The following CFAP47 variants were observed in gnomAD, a reference collection of about 807,000 sequenced individuals.
CFAP47 encodes cilia- and flagella-associated protein 47.
CFAP47 carries 29 observed loss-of-function variants against 148.1 expected under a neutral mutation model. That is an observed-to-expected ratio of 0.20 (90% CI 0.15 to 0.27). The LOEUF (loss-of-function observed/expected upper bound fraction) is 0.27, where lower values mean the gene tolerates loss of function less well. Ranked by LOEUF, CFAP47 falls within the 10% of genes least tolerant of loss-of-function variation. The pLI is 1.00. For missense variants in CFAP47, 1,872 were observed against 1,697.5 expected (o/e 1.10, Z -1.81); for synonymous variants, 664 against 577.3 (o/e 1.15, Z -2.15).
chrX:36,022,608 T>C (rs1937172587), intron 22 of CFAP47, among the ~76,000 whole-genome samples: 1 of 111,556 alleles, frequency 9.0e-6, no homozygotes, highest in South Asian at 3.8e-4. Flanking sequence ...AACTCTTAGA[T>C]TTGTCCTTCT....
chrX:36,114,229 A>G (rs748108761), intron 33 of CFAP47, among the ~76,000 whole-genome samples: 52 of 111,556 alleles, frequency 4.7e-4, no homozygotes, highest in Middle Eastern at 4.7e-3. Context: ...TATACTGCCT[A>G]TTTTGTCAGT....
At chrX:36,265,492 G>T (rs782588363) in intron 49 of CFAP47, among the ~76,000 whole-genome samples, 1 of 111,699 alleles carries the variant, frequency 9.0e-6, no homozygotes, top group African/African-American at 3.3e-5. Context: ...CAATTCTCAA[G>T]GTGGATATTT....
At chrX:36,255,956 A>G (rs1165935766) in intron 49 of CFAP47, among the ~76,000 whole-genome samples, 1 of 112,196 alleles carries the variant, frequency 8.9e-6, no homozygotes, top group Non-Finnish European at 1.9e-5. Context: ...AGAAACAAAC[A>G]AATCCAAGCA....
intron 2 of CFAP47, among the ~76,000 whole-genome samples, chrX:35,939,540 C>T (rs1191291868): frequency 1.1e-5 from 1 of 93,327 alleles, no homozygotes; most frequent in East Asian, 3.6e-4. Context: ...TGAGAATATG[C>T]GGTGTTTGGT....
At chrX:36,266,554 G>A (rs1221407476) in intron 49 of CFAP47, among the ~76,000 whole-genome samples, 1 of 110,297 alleles carries the variant, frequency 9.1e-6, no homozygotes, top group Non-Finnish European at 1.9e-5. Flanking sequence ...TAGGGACAGT[G>A]GTGAGGTTGC....
rs1217561603 is a variant in CFAP47, at chrX:35,971,580, T to G, written c.1971-6T>G. 1 of 1,055,090 alleles carries G rather than the reference T, an allele frequency of 9.5e-7. No homozygotes were observed. Among genetic ancestry groups the G allele is most frequent in the Non-Finnish European group, 1.3e-6 (1 of 798,559 alleles). The allele number at this position is 1,055,090 out of a possible 1,213,427, so 87.0% of individuals were successfully genotyped here. A position where few individuals can be genotyped will look rare whatever the true frequency, so the allele number is the denominator to read the frequency against. ...TTACTGATTATTATTATTATTAATT[T>G]TATAGGGAGCGCATGTATTCATATG... On this transcript the variant is annotated splice_region_variant and splice_polypyrimidine_tract_variant and intron_variant, in intron 11 of 63. Coordinates refer to ENST00000378653, the MANE Select transcript of CFAP47 (RefSeq NM_001304548.2).
rs367781928 is a variant in CFAP47, at chrX:36,065,670, A to G, written c.4245A>G (p.Ala1415=). 32 of 1,194,356 alleles carry G rather than the reference A, an allele frequency of 2.7e-5. No individual in the cohort carries two copies. The highest frequency in any genetic ancestry group is 3.6e-5 in the Non-Finnish European group (32 of 883,708). The change falls in exon 27 of 64, where the codon GCA becomes GCG. Residue 1415 remains alanine (A), a synonymous_variant. Coordinates refer to ENST00000378653, the MANE Select transcript of CFAP47 (RefSeq NM_001304548.2). ...TTTCACTTCCAGTTACTGCAACAGCAGAAAACTGCATTCTTACTATTTACC... is the reference window on the plus strand; with the variant it reads ...TTTCACTTCCAGTTACTGCAACAGCGGAAAACTGCATTCTTACTATTTACC... ...NWFSLPVTAT[A]ENCILTIYPY...
intron 56 of CFAP47, among the ~76,000 whole-genome samples, chrX:36,312,857 G>A (rs1439487027): frequency 9.0e-6 from 1 of 111,220 alleles, no homozygotes; most frequent in Non-Finnish European, 1.9e-5. Context: ...AACCTGAGGA[G>A]ATATGAGACA....
At chrX:36,360,232 G>C (rs1431104159) in intron 60 of CFAP47, among the ~76,000 whole-genome samples, 1 of 111,625 alleles carries the variant, frequency 9.0e-6, no homozygotes, top group Non-Finnish European at 1.9e-5. Context: ...AACTGTTTTT[G>C]ACTGCTCCAT....
Position 36,161,901 on chromosome X carries a change from A to C in CFAP47, c.6026+1132A>C, listed in dbSNP as rs146997738. Among the ~76,000 whole-genome samples the C allele has an allele frequency of 8.0e-3, 896 of 112,309 alleles. 7 individuals are homozygous for C. Among genetic ancestry groups the C allele is most frequent in the Middle Eastern group, 0.028 (6 of 214 alleles). On this transcript the variant is annotated intron_variant, in intron 39 of 63. Coordinates refer to ENST00000378653, the MANE Select transcript of CFAP47 (RefSeq NM_001304548.2). ...GTGCATGTAAGAGAGAATATGATTTAGTGCAATTTTATTAAAGTGATACAT... is the reference window on the plus strand; with the variant it reads ...GTGCATGTAAGAGAGAATATGATTTCGTGCAATTTTATTAAAGTGATACAT...
At chrX:36,296,212 T>A (rs1368098875) in intron 51 of CFAP47, among the ~76,000 whole-genome samples, 1 of 112,126 alleles carries the variant, frequency 8.9e-6, no homozygotes, top group African/African-American at 3.2e-5. Context: ...ACTCTTAAGA[T>A]CTGGCCAACT....
At chrX:36,337,937 C>G (rs1941620543) in intron 57 of CFAP47, among the ~76,000 whole-genome samples, 1 of 95,192 alleles carries the variant, frequency 1.1e-5, no homozygotes, top group South Asian at 5.9e-4. Flanking sequence ...GGCGCGATCT[C>G]GGCTCACTGC....
rs773250650 is a variant in CFAP47 at position 36,037,005 on chromosome X, A to T, written c.3811+1151A>T. Among the ~76,000 whole-genome samples, 307 of 112,407 alleles carry T rather than the reference A, an allele frequency of 2.7e-3. 1 individual carries two copies. The highest frequency in any genetic ancestry group is 9.2e-3 in the African/African-American group (284 of 31,003). On this transcript the variant is annotated intron_variant, in intron 24 of 63. Coordinates refer to ENST00000378653, the MANE Select transcript of CFAP47 (RefSeq NM_001304548.2). ...TACCTCTCTTTAAATCTCTGAAAAT[A>T]TGATAGAAAATACCAACTATTCTTT...
chrX:36,359,449 AT>A (rs1267099930), intron 60 of CFAP47, among the ~76,000 whole-genome samples: 1 of 112,068 alleles, frequency 8.9e-6, no homozygotes, highest in African/African-American at 3.2e-5. Flanking sequence ...ATTAAAAGCC[AT>A]TTTTTATTGT....
At chrX:36,381,270 A>G (rs1942075700) in intron 63 of CFAP47, among the ~76,000 whole-genome samples, 1 of 111,504 alleles carries the variant, frequency 9.0e-6, no homozygotes, top group African/African-American at 3.3e-5. Context: ...AGCATATCCA[A>G]CACTGTAATT....
At chrX:36,055,129 G>A (rs1294475041) in intron 26 of CFAP47, among the ~76,000 whole-genome samples, 1 of 109,328 alleles carries the variant, frequency 9.1e-6, no homozygotes, top group African/African-American at 3.3e-5. Context: ...TTAACACCAT[G>A]TAGACATGGT....
chrX:36,269,749 A>G (rs1940936475), intron 49 of CFAP47, among the ~76,000 whole-genome samples: 1 of 112,113 alleles, frequency 8.9e-6, no homozygotes, highest in African/African-American at 3.2e-5. Context: ...CCATTGAGAT[A>G]ATAAGTATAA....
intron 56 of CFAP47, among the ~76,000 whole-genome samples, chrX:36,316,848 C>T (rs995317858): frequency 1.8e-5 from 2 of 112,123 alleles, no homozygotes; most frequent in South Asian, 3.7e-4. Flanking sequence ...TGCAGTGGCA[C>T]GATCTCAGCT....
At chrX:36,080,771 G>T (rs112269610) in intron 29 of CFAP47, among the ~76,000 whole-genome samples, 2,877 of 110,670 alleles carry the variant, frequency 0.026, 93 homozygotes, top group African/African-American at 0.09. Flanking sequence ...CACACACCAG[G>T]GCCTGTTGTG....
Sources: allele counts gnomAD v4.1 joint callset (sites outside exome capture counted in the v4.1 genomes callset), GRCh38; gene constraint gnomAD v4.1.1; transcripts MANE v1.5; gene names NCBI Gene and HGNC (gene_info 2026-07-23, HGNC 2026-07-21).